The following HACE1 variants were observed in gnomAD, a reference collection of about 807,000 sequenced individuals.
HACE1 encodes E3 ubiquitin-protein ligase HACE1.
HACE1 carries 73 observed loss-of-function variants against 118.4 expected under a neutral mutation model. The ratio of observed to expected loss-of-function variants is 0.62; its 90% confidence interval spans 0.51 to 0.75. HACE1 has a LOEUF of 0.75. HACE1 is among the 30% of genes least tolerant of loss of function. The probability of loss-of-function intolerance (pLI) is 0.00; values close to 1 mark genes in which losing one functional copy is unlikely to be tolerated. For missense variants in HACE1, 749 were observed against 1,102.2 expected (o/e 0.68, Z 4.54); for synonymous variants, 368 against 374.8 (o/e 0.98, Z 0.21).
intron 19 of HACE1, among the ~76,000 whole-genome samples, chr6:104,757,714 T>C (rs368768811): frequency 1.3e-5 from 2 of 152,130 alleles, no homozygotes; most frequent in African/African-American, 2.4e-5. Context: ...CTGACAGAAG[T>C]AGGCTTCAGA....
At chr6:104,808,709 G>C (rs1396552251) in intron 7 of HACE1, among the ~76,000 whole-genome samples, 2 of 152,002 alleles carry the variant, frequency 1.3e-5, no homozygotes, top group African/African-American at 4.8e-5. Flanking sequence ...GGGTTAACTT[G>C]TTCTATTTCC....
chr6:104,820,705 T>C (rs150962517), intron 6 of HACE1, among the ~76,000 whole-genome samples: 4,803 of 152,206 alleles, frequency 0.032, 243 homozygotes, highest in African/African-American at 0.11. Context: ...GCTGGCAAGG[T>C]TGCAGAGAAA....
chr6:104,733,933 A>C (rs999488734), intron 22 of HACE1, among the ~76,000 whole-genome samples: 2 of 151,762 alleles, frequency 1.3e-5, no homozygotes, highest in Non-Finnish European at 2.9e-5. Context: ...CAGGTGGATC[A>C]CTTGAGGTCA....
chr6:104,832,731 T>C (rs184002054), intron 6 of HACE1, among the ~76,000 whole-genome samples: 9 of 152,042 alleles, frequency 5.9e-5, no homozygotes, highest in African/African-American at 1.9e-4. Flanking sequence ...ATACAGAATA[T>C]ATTTATCAGA....
chr6:104,753,677 C>G (rs1449275200), intron 19 of HACE1, among the ~76,000 whole-genome samples: 1 of 152,042 alleles, frequency 6.6e-6, no homozygotes, highest in Non-Finnish European at 1.5e-5. Flanking sequence ...GGCCAGATTA[C>G]TAAAAGAAAA....
chr6:104,792,776 A>T (rs562507128), intron 10 of HACE1, among the ~76,000 whole-genome samples: 36 of 152,234 alleles, frequency 2.4e-4, no homozygotes, highest in African/African-American at 7.2e-4. Flanking sequence ...AGGCATAAGT[A>T]TTTCTTGTGA....
In HACE1 at chr6:104,859,782, C is replaced by T; in HGVS notation, c.-140G>A. On this transcript the variant is annotated 5_prime_UTR_variant, in exon 1 of 24. Coordinates refer to ENST00000262903, the MANE Select transcript of HACE1 (RefSeq NM_020771.4). ...CGGCTAGAGCACTGAGCTGCGAGGG[C>T]TGCCTGGGGCCACGTCCTGCGTCCG... The T allele has an allele frequency of 2.7e-6, 2 of 733,374 alleles. No individual in the cohort carries two copies. The highest frequency in any genetic ancestry group is 4.2e-6 in the Non-Finnish European group (2 of 472,544). 45.4% of individuals were successfully genotyped at this position (733,374 alleles called of 1,614,324 possible). A position where few individuals can be genotyped will look rare whatever the true frequency, so the allele number is the denominator to read the frequency against.
At chr6:104,811,812 T>A (rs747909897) in intron 6 of HACE1, among the ~76,000 whole-genome samples, 3 of 152,172 alleles carry the variant, frequency 2.0e-5, no homozygotes, top group Non-Finnish European at 4.4e-5. Flanking sequence ...CTTTAGATAC[T>A]TGAATTTAAA....
chr6:104,838,916 A>AAT (rs1311063435), intron 5 of HACE1, among the ~76,000 whole-genome samples: 6 of 133,438 alleles, frequency 4.5e-5, no homozygotes, highest in Middle Eastern at 3.8e-3. Flanking sequence ...AAAAAAAAAA[A>AAT]TTTTGATTAA....
intron 22 of HACE1, among the ~76,000 whole-genome samples, chr6:104,738,711 T>C (rs933147155): frequency 6.7e-6 from 1 of 148,626 alleles, no homozygotes; most frequent in Non-Finnish European, 1.5e-5. Context: ...CTGAAAGTGA[T>C]GGGGAGAATG....
intron 5 of HACE1, among the ~76,000 whole-genome samples, chr6:104,834,740 G>A (rs1433987299): frequency 1.3e-5 from 2 of 152,196 alleles, no homozygotes; most frequent in African/African-American, 4.8e-5. Flanking sequence ...ACCAGTATTA[G>A]AGAAACCCCC....
At position 104,785,090 on chromosome 6, in the gene HACE1, T is replaced by C; in HGVS notation, c.1304A>G (p.Gln435Arg). ...ATCCTGACAATCTGCACTGGCTTCC[T>C]GTCTCCCTGCAAGAGCATCTGGTTT... is the stretch of plus-strand genomic sequence containing the variant. ...ESKPDALAGR[Q>R]EASADCQDVI... The change falls in exon 12 of 24, where the codon CAG becomes CGG. Residue 435 changes from glutamine to arginine, a missense_variant. Transcript: ENST00000262903. 1.2e-6 allele frequency: 2 copies of C among 1,613,832 alleles called. No homozygotes were observed. Among genetic ancestry groups the C allele is most frequent in the Admixed American group, 3.3e-5 (2 of 59,986 alleles).
At chr6:104,732,590 T>C (rs1562245021) in intron 22 of HACE1, among the ~76,000 whole-genome samples, 1 of 152,094 alleles carries the variant, frequency 6.6e-6, no homozygotes, top group Non-Finnish European at 1.5e-5. Context: ...TTGGGAAAGA[T>C]GAAAAAATTC....
At chr6:104,806,087 C>G (rs1221649949) in intron 7 of HACE1, among the ~76,000 whole-genome samples, 4 of 152,086 alleles carry the variant, frequency 2.6e-5, no homozygotes, top group Non-Finnish European at 4.4e-5. Context: ...AGAAATACTA[C>G]TATAACATTT....
rs373370965 is a variant in HACE1, at chr6:104,729,769, A to G, written c.2628-5T>C. On this transcript the variant is annotated splice_region_variant and splice_polypyrimidine_tract_variant and intron_variant, in intron 23 of 23. Transcript: ENST00000262903. Reference sequence around the variant, plus strand: ...GGTAACTTGAGCATGTTGATGCTTTAAAAGAAAAATATACCACCATTAAAC... The same window carrying G: ...GGTAACTTGAGCATGTTGATGCTTTGAAAGAAAAATATACCACCATTAAAC... 12 of 1,285,822 alleles carry G rather than the reference A, an allele frequency of 9.3e-6. No homozygotes were observed. The highest frequency in any genetic ancestry group is 1.4e-5 in the Non-Finnish European group (12 of 882,692). 79.7% of individuals were successfully genotyped at this position (1,285,822 alleles called of 1,614,324 possible).
chr6:104,770,382 T>C (rs1288250946), intron 19 of HACE1, among the ~76,000 whole-genome samples: 2 of 152,142 alleles, frequency 1.3e-5, no homozygotes, highest in Admixed American at 1.3e-4. Flanking sequence ...TTAAAACATA[T>C]GCAAAGATTT....
chr6:104,806,401 G>C (rs1354193092), intron 7 of HACE1, among the ~76,000 whole-genome samples: 1 of 152,156 alleles, frequency 6.6e-6, no homozygotes, highest in Non-Finnish European at 1.5e-5. Context: ...GTTGGAGGTT[G>C]CAGTGAGTTA....
At chr6:104,735,966 T>G (rs1307287326) in intron 22 of HACE1, among the ~76,000 whole-genome samples, 1 of 151,900 alleles carries the variant, frequency 6.6e-6, no homozygotes, top group Non-Finnish European at 1.5e-5. Context: ...ATTCAAAAAG[T>G]TATAAAATAA....
Position 104,745,643 on chromosome 6 carries a change from G to A in HACE1, c.2344-1033C>T, listed in dbSNP as rs895389486. Among the ~76,000 whole-genome samples the A allele has an allele frequency of 9.9e-5, 15 of 151,818 alleles. No individual in the cohort carries two copies. The South Asian group carries it at 1.5e-3, about 15-fold the overall frequency. ...GTTTTAGTAGAGATGAGGTTTCACC[G>A]TGTTAGCCAGGATGGTCTCAATCTC... On this transcript the variant is annotated intron_variant, in intron 20 of 23. Transcript: ENST00000262903.
Sources: allele counts gnomAD v4.1 joint callset (sites outside exome capture counted in the v4.1 genomes callset), GRCh38; gene constraint gnomAD v4.1.1; transcripts MANE v1.5; gene names NCBI Gene and HGNC (gene_info 2026-07-23, HGNC 2026-07-21).